LUZP2: variants seen among roughly 807,000 people sequenced by gnomAD.
LUZP2 encodes the protein leucine zipper protein 2.
Under a neutral mutation model 51.6 loss-of-function variants are expected in LUZP2, and 52 were observed. The observed-to-expected ratio is 1.01, with a 90% CI of 0.81 to 1.27. LUZP2 has a LOEUF of 1.27. Among genes scored for constraint, LUZP2 ranks in the 50% most tolerant of loss-of-function variants. The probability of loss-of-function intolerance (pLI) is 0.00; values close to 1 mark genes in which losing one functional copy is unlikely to be tolerated. For synonymous variants in LUZP2, 154 were observed against 137.3 expected, an observed-to-expected ratio of 1.12 and a Z score of -0.85; for missense variants, 436 against 395.4, an observed-to-expected ratio of 1.10 and a Z score of -0.87.
intron 9 of LUZP2, among the ~76,000 whole-genome samples, chr11:25,049,796 G>C (rs1157508501): frequency 6.6e-6 from 1 of 151,724 alleles, no homozygotes; most frequent in African/African-American, 2.4e-5. Flanking sequence ...AATCCCAATG[G>C]ACATCACTAA....
In LUZP2 at chr11:25,076,733, CTT is replaced by C. The variant is rs59989545; in HGVS notation, c.859-582_859-581del. Among the ~76,000 whole-genome samples, 105 of 132,678 alleles carry C rather than the reference CTT, an allele frequency of 7.9e-4. 1 individual carries two copies. Among genetic ancestry groups the C allele is most frequent in the East Asian group, 3.4e-3 (15 of 4,382 alleles). The allele number at this position is 132,678 out of a possible 152,430, so 87.0% of individuals were successfully genotyped here. A position where few individuals can be genotyped will look rare whatever the true frequency, so the allele number is the denominator to read the frequency against. ...ATAGAAGTGAAGCCCAAGTGGAATC[CTT>C]TTTTTTTTTTTTTAATTTATTTTTT... is the stretch of plus-strand genomic sequence containing the variant. On this transcript the variant is annotated intron_variant, in intron 10 of 11. Transcript: ENST00000336930.
intron 7 of LUZP2, among the ~76,000 whole-genome samples, chr11:24,918,981 C>A (rs375911130): frequency 2.6e-3 from 19 of 7,414 alleles, no homozygotes; most frequent in Non-Finnish European, 0.022. Context: ...GTTATATATA[C>A]TATATATCCA....
intron 4 of LUZP2, among the ~76,000 whole-genome samples, chr11:24,753,588 A>C (rs1859669854): frequency 6.6e-6 from 1 of 152,188 alleles, no homozygotes; most frequent in Non-Finnish European, 1.5e-5. Flanking sequence ...AATCAGATAC[A>C]ACGCTCATTC....
At chr11:24,625,098 T>C (rs1854632416) in intron 1 of LUZP2, among the ~76,000 whole-genome samples, 1 of 152,026 alleles carries the variant, frequency 6.6e-6, no homozygotes, top group South Asian at 2.1e-4. Flanking sequence ...GAAAGACAAA[T>C]ACTGCATAAC....
At chr11:24,766,694 T>C (rs929187256) in intron 5 of LUZP2, among the ~76,000 whole-genome samples, 2 of 144,658 alleles carry the variant, frequency 1.4e-5, no homozygotes, top group Admixed American at 7.0e-5. Flanking sequence ...AAATCCTGAA[T>C]ATAAAGCTTC....
chr11:24,728,972 C>G (rs1858601954), intron 1 of LUZP2, among the ~76,000 whole-genome samples, 197 bp from the exon 2 acceptor site: 1 of 152,092 alleles, frequency 6.6e-6, no homozygotes, highest in African/African-American at 2.4e-5. Context: ...AGCTAGCCCT[C>G]ACTGGGAAAT....
intron 1 of LUZP2, among the ~76,000 whole-genome samples, chr11:24,601,922 A>ATATATGTATATATGTATATATATG (rs1406724194): frequency 4.5e-5 from 3 of 66,038 alleles, no homozygotes; most frequent in African/African-American, 2.3e-4. Flanking sequence ...GTATATATGT[A>ATATATGTATATATGTATATATATG]TATATATGTA....
intron 1 of LUZP2, among the ~76,000 whole-genome samples, chr11:24,564,048 G>A (rs1272749828): frequency 6.6e-6 from 1 of 152,114 alleles, no homozygotes; most frequent in Non-Finnish European, 1.5e-5. Flanking sequence ...GTTTACTTGT[G>A]TCTTAGTTCA....
At chr11:24,500,824 T>C (rs1849970982) in intron 1 of LUZP2, among the ~76,000 whole-genome samples, 1 of 152,208 alleles carries the variant, frequency 6.6e-6, no homozygotes, top group Non-Finnish European at 1.5e-5. Flanking sequence ...TCTCCTGGAC[T>C]GTCTGATCAG....
chr11:24,602,166 GTGTA>G (rs1295013488), intron 1 of LUZP2, among the ~76,000 whole-genome samples: 4 of 94,714 alleles, frequency 4.2e-5, no homozygotes, highest in Admixed American at 2.4e-4. Flanking sequence ...ATGTATATAT[GTGTA>G]TATATATGTG....
intron 5 of LUZP2, among the ~76,000 whole-genome samples, chr11:24,768,085 A>G (rs982984363): frequency 2.0e-5 from 3 of 152,132 alleles, no homozygotes; most frequent in African/African-American, 4.8e-5. Flanking sequence ...AAGTCTAGGA[A>G]ATATTAGGCA....
intron 1 of LUZP2, among the ~76,000 whole-genome samples, chr11:24,707,057 G>C (rs1466953428): frequency 2.0e-5 from 3 of 150,984 alleles, no homozygotes; most frequent in African/African-American, 4.9e-5. Context: ...GAAGAAAAAA[G>C]TATATATAAC....
chr11:24,983,222 A>G lies in LUZP2; in HGVS notation c.694A>G (p.Asn232Asp), dbSNP rs370379613. ...TCCCCCTTTGAGTTTAATCACATCAAATCCAACTCGGATGTTACTCCCACC... is the reference window on the plus strand; with the variant it reads ...TCCCCCTTTGAGTTTAATCACATCAGATCCAACTCGGATGTTACTCCCACC... Reference protein sequence around the residue: ...PPPPLSLITSNPTRMLLPPRN... With the variant: ...PPPPLSLITSDPTRMLLPPRN... The change falls in exon 9 of 12, where the codon AAT becomes GAT. Residue 232 changes from asparagine (N) to aspartate (D), a missense_variant. By Grantham distance (23) the Asn-to-Asp change is conservative (BLOSUM62 1). Coordinates refer to ENST00000336930, the MANE Select transcript of LUZP2 (RefSeq NM_001009909.4). 8 of 1,612,208 alleles carry G rather than the reference A, an allele frequency of 5.0e-6. No individual in the cohort carries two copies. In the African/African-American group the frequency reaches 9.4e-5, roughly 19 times the overall value.
At chr11:24,583,464 A>T (rs1852946024) in intron 1 of LUZP2, among the ~76,000 whole-genome samples, 1 of 151,918 alleles carries the variant, frequency 6.6e-6, no homozygotes, top group Admixed American at 6.6e-5. Context: ...GGGTTGTGTG[A>T]GGAAACTATC....
At chr11:24,571,538 CAT>C (rs1003275959) in intron 1 of LUZP2, among the ~76,000 whole-genome samples, 1 of 152,018 alleles carries the variant, frequency 6.6e-6, no homozygotes, top group African/African-American at 2.4e-5. Flanking sequence ...TAACAATTCT[CAT>C]ATGTCATTTG....
chr11:24,764,490 T>TAAAAAAAAAAAAAAAACAAAAAAA (rs1860107736), intron 5 of LUZP2, among the ~76,000 whole-genome samples: 1 of 94,058 alleles, frequency 1.1e-5, no homozygotes, highest in Non-Finnish European at 2.1e-5. Context: ...ATCTCATCTC[T>TAAAAAAAAAAAAAAAACAAAAAAA]AAAAAAAAAA....
chr11:24,952,091 G>C lies in LUZP2; in HGVS notation c.523-24500G>C, dbSNP rs80300964. On this transcript the variant is annotated intron_variant, in intron 7 of 11. Coordinates refer to ENST00000336930, the MANE Select transcript of LUZP2 (RefSeq NM_001009909.4). ...GCAACTGAGGTTGAGGAGAATCATAGATTTGATAATAAGATGAACAAATAT... is the reference window on the plus strand; with the variant it reads ...GCAACTGAGGTTGAGGAGAATCATACATTTGATAATAAGATGAACAAATAT... Among the ~76,000 whole-genome samples the C allele has an allele frequency of 5.4e-3, 823 of 151,736 alleles. 5 individuals are homozygous for C. The highest frequency in any genetic ancestry group is 0.019 in the African/African-American group (794 of 41,482).
chr11:24,727,704 A>G (rs961089667), intron 1 of LUZP2, among the ~76,000 whole-genome samples: 1 of 152,034 alleles, frequency 6.6e-6, no homozygotes, highest in Non-Finnish European at 1.5e-5. Context: ...GGGCATTAAT[A>G]ATTGTCTGAT....
At chr11:24,975,178 T>G (rs1201232525) in intron 7 of LUZP2, among the ~76,000 whole-genome samples, 2 of 152,106 alleles carry the variant, frequency 1.3e-5, no homozygotes, top group African/African-American at 4.8e-5. Context: ...TGTCTCTTTT[T>G]AAAGAGAAGG....
Sources: allele counts gnomAD v4.1 joint callset (sites outside exome capture counted in the v4.1 genomes callset), GRCh38; gene constraint gnomAD v4.1.1; transcripts MANE v1.5; gene names NCBI Gene and HGNC (gene_info 2026-07-23, HGNC 2026-07-21).